Variants in ZNF814 observed in about 807,000 individuals in gnomAD.
The protein encoded by ZNF814 is zinc finger protein 814.
A neutral mutation model predicts 7.5 loss-of-function variants in ZNF814; 5 were observed. The ratio of observed to expected loss-of-function variants is 0.67; its 90% CI spans 0.35 to 1.40. The LOEUF (loss-of-function observed/expected upper bound fraction) is 1.40, where lower values mean the gene tolerates loss of function less well. Among genes scored for constraint, ZNF814 ranks in the 40% most tolerant of loss-of-function variants. The pLI is 0.04. For missense variants in ZNF814, 962 were observed against 1,018.0 expected (o/e 0.94, Z 0.75); for synonymous variants, 315 against 340.7 (o/e 0.92, Z 0.83).
At chr19:57,900,016 A>G in the ZNF814 span, among the ~76,000 whole-genome samples, 1 of 152,212 alleles carries the variant, frequency 6.6e-6, no homozygotes, top group Non-Finnish European at 1.5e-5. Flanking sequence ...TCATTATCCT[A>G]AATCTAAGAT....
At chr19:57,884,449 C>A (rs1233706946) in intron 1 of ZNF814, among the ~76,000 whole-genome samples, 4 of 152,074 alleles carry the variant, frequency 2.6e-5, no homozygotes, top group Non-Finnish European at 5.9e-5. Flanking sequence ...CCCATCTCTA[C>A]AAAAAAGTTT....
chr19:57,878,705 C>T (rs1332097617), intron 1 of ZNF814, among the ~76,000 whole-genome samples: 1 of 152,168 alleles, frequency 6.6e-6, no homozygotes, highest in East Asian at 1.9e-4. Flanking sequence ...ATGATCCACC[C>T]GCCTCAGCCT....
Position 57,872,738 on chromosome 19 carries a change from T to G in ZNF814, c.*84A>C. On this transcript the variant is annotated 3_prime_UTR_variant, in exon 3 of 3. Coordinates refer to ENST00000435989, the MANE Select transcript of ZNF814 (RefSeq NM_001144989.2). ...AGATGACTTCCCACAATCACTGCAT[T>G]CATATGGCCTTTCTCCAGTGTGAAC... The G allele has an allele frequency of 6.2e-7, 1 of 1,606,794 alleles. No individual in the cohort carries two copies. Among genetic ancestry groups the G allele is most frequent in the Non-Finnish European group, 8.5e-7 (1 of 1,176,114 alleles).
chr19:57,887,804 C>G (rs1456099469), intron 1 of ZNF814, among the ~76,000 whole-genome samples: 2 of 152,198 alleles, frequency 1.3e-5, no homozygotes, highest in African/African-American at 4.8e-5. Flanking sequence ...CAAAAGATAA[C>G]ACCATAAAGC....
Position 57,874,778 on chromosome 19 carries a change from C to G in ZNF814, c.612G>C (p.Val204=). Residue 204 remains valine, a synonymous_variant, in exon 3 of 3, where the codon GTG becomes GTC. Transcript: ENST00000435989. Reference sequence around the variant, plus strand: ...GAGCTCCCCCACACTGAATGGGAGACACACACTCAGTTTTGCTGTTTGACT... The same window carrying G: ...GAGCTCCCCCACACTGAATGGGAGAGACACACTCAGTTTTGCTGTTTGACT... The part of the protein sequence containing the change: ...GEKSNSKTEC[V]SPIQCGGAHY... The G allele has an allele frequency of 6.2e-7, 1 of 1,614,020 alleles. No homozygotes were observed. The highest frequency in any genetic ancestry group is 8.5e-7 in the Non-Finnish European group (1 of 1,179,952).
At chr19:57,895,150 A>G in the ZNF814 span, among the ~76,000 whole-genome samples, 29 of 152,278 alleles carry the variant, frequency 1.9e-4, no homozygotes, top group Admixed American at 1.4e-3. Context: ...CTTAGCCAAG[A>G]GGGACTTTAC....
the ZNF814 span, among the ~76,000 whole-genome samples, chr19:57,904,442 G>C: frequency 2.0e-5 from 3 of 152,142 alleles, no homozygotes; most frequent in African/African-American, 4.8e-5. Context: ...CCAGTGACCA[G>C]GTGTTGGGTC....
chr19:57,874,778 C>A lies in ZNF814; in HGVS notation c.612G>T (p.Val204=). The A allele has an allele frequency of 8.1e-6, 13 of 1,614,020 alleles. No individual in the cohort carries two copies. The highest frequency in any genetic ancestry group is 1.0e-5 in the Non-Finnish European group (12 of 1,179,952). ...GAGCTCCCCCACACTGAATGGGAGACACACACTCAGTTTTGCTGTTTGACT... is the reference window on the plus strand; with the variant it reads ...GAGCTCCCCCACACTGAATGGGAGAAACACACTCAGTTTTGCTGTTTGACT... ...GEKSNSKTEC[V]SPIQCGGAHY... The change falls in exon 3 of 3, where the codon GTG becomes GTT. Residue 204 remains valine, a synonymous_variant. Coordinates refer to ENST00000435989, the MANE Select transcript of ZNF814 (RefSeq NM_001144989.2).
Position 57,874,674 on chromosome 19 carries a change from T to C in ZNF814, c.716A>G (p.Glu239Gly), listed in dbSNP as rs1376619382. Residue 239 changes from glutamate (E) to glycine (G), a missense_variant, in exon 3 of 3, where the codon GAA (glutamate) becomes GGA (glycine). Glu to Gly is a moderately conservative substitution (Grantham distance 98, BLOSUM62 -2). This residue lies in a region of ZNF814 where 126 missense variants were observed against 123.5 expected (regional missense o/e 1.02). Coordinates refer to ENST00000435989, the MANE Select transcript of ZNF814 (RefSeq NM_001144989.2). ...ACATTCACAGCACACATAACACTCT[T>C]CTCTAGTGAGCAGTCTCTGGTGCTG... is the stretch of plus-strand genomic sequence containing the variant. ...LSQHQRLLTREECYVCCECGK... is the reference protein window; with the variant it reads ...LSQHQRLLTRGECYVCCECGK... The C allele has an allele frequency of 2.4e-5, 37 of 1,561,802 alleles. No individual in the cohort carries two copies. Among genetic ancestry groups the C allele is most frequent in the Non-Finnish European group, 3.1e-5 (36 of 1,151,984 alleles).
At position 57,872,976 on chromosome 19, in the gene ZNF814, C is replaced by T; in HGVS notation, c.2414G>A (p.Cys805Tyr). 6.2e-7 allele frequency: 1 copy of T among 1,614,000 alleles called. No individual in the cohort carries two copies. Among genetic ancestry groups the T allele is most frequent in the Middle Eastern group, 1.7e-4 (1 of 6,060 alleles). Residue 805 changes from cysteine to tyrosine, a missense_variant, in exon 3 of 3, where the codon TGT becomes TAT. Cys to Tyr is a radical substitution (Grantham distance 194). Around this residue, in one of 7 missense-constraint regions of ZNF814, gnomAD observed 665 missense variants for 551.4 expected, o/e 1.21. Coordinates refer to ENST00000435989, the MANE Select transcript of ZNF814 (RefSeq NM_001144989.2). ...TGEKPYECSE[C>Y]GKSFAESSSL... ...GGAGCTTTCAGCAAAAGATTTTCCACATTCACTGCACTCATAAGGCTTTTC... is the reference window on the plus strand; with the variant it reads ...GGAGCTTTCAGCAAAAGATTTTCCATATTCACTGCACTCATAAGGCTTTTC...
At chr19:57,877,994 G>A (rs188890683) in intron 1 of ZNF814, among the ~76,000 whole-genome samples, 181 of 151,464 alleles carry the variant, frequency 1.2e-3, no homozygotes, top group African/African-American at 3.8e-3. Flanking sequence ...GTGCAACTTC[G>A]GCTCTACTAA....
At position 57,877,021 on chromosome 19, in the gene ZNF814, C is replaced by T. The variant is rs1320086965; in HGVS notation, c.58G>A (p.Val20Met). The T allele has an allele frequency of 6.2e-7, 1 of 1,614,122 alleles. No individual in the cohort carries two copies. The highest frequency in any genetic ancestry group is 1.3e-5 in the African/African-American group (1 of 75,034). Residue 20 changes from valine (V) to methionine (M), a missense_variant, in exon 2 of 3, where the codon GTG becomes ATG. Val to Met is a conservative substitution (Grantham distance 21). Transcript: ENST00000435989. ...SAQGTVTFED[V>M]AVNFTWEEWN... is the part of the protein sequence containing the mutation. ...TCCTCCCAGGTAAAGTTCACAGCCA[C>T]ATCTTCAAAAGTCACTGTGCCCTGT... is the stretch of plus-strand genomic sequence containing the variant.
chr19:57,874,449 T>C lies in ZNF814; in HGVS notation c.941A>G (p.His314Arg), dbSNP rs1227510833. 1 of 1,366,382 alleles carries C rather than the reference T, an allele frequency of 7.3e-7. No individual in the cohort carries two copies. The highest frequency in any genetic ancestry group is 1.3e-5 in the South Asian group (1 of 76,982). 84.6% of individuals were successfully genotyped at this position (1,366,382 alleles called of 1,614,324 possible). A position where few individuals can be genotyped will look rare whatever the true frequency, so the allele number is the denominator to read the frequency against. ...SFSKYVSFSN[H>R]QRVHTGKRPY... is the part of the protein sequence containing the mutation. ...TCTTTTCCCAGTGTGAACTCTCTGA[T>C]GATTACTGAAGCTAACATATTTGCT... The change falls in exon 3 of 3, where the codon CAT becomes CGT. Residue 314 changes from histidine (H) to arginine (R), a missense_variant. By Grantham distance (29) the His-to-Arg change is conservative. Coordinates refer to ENST00000435989, the MANE Select transcript of ZNF814 (RefSeq NM_001144989.2).
chr19:57,877,106 C>A, intron 1 of ZNF814, 64 bp from the exon 2 acceptor site: 1 of 1,594,666 alleles, frequency 6.3e-7, no homozygotes, highest in Non-Finnish European at 8.6e-7. Context: ...CAATCCATCT[C>A]TCCCACACAT....
chr19:57,893,454 A>G (rs1035399447), upstream of ZNF814, among the ~76,000 whole-genome samples: 1 of 151,552 alleles, frequency 6.6e-6, no homozygotes, highest in Non-Finnish European at 1.5e-5. Flanking sequence ...AATTACAGGC[A>G]TGAGCCACTG....
At chr19:57,895,930 G>T in the ZNF814 span, among the ~76,000 whole-genome samples, 1 of 152,190 alleles carries the variant, frequency 6.6e-6, no homozygotes, top group African/African-American at 2.4e-5. Flanking sequence ...TCCATAGACA[G>T]AGCAGGCTCT....
chr19:57,883,141 A>C (rs1288964439), intron 1 of ZNF814, among the ~76,000 whole-genome samples: 1 of 143,816 alleles, frequency 7.0e-6, no homozygotes, highest in Non-Finnish European at 1.5e-5. Context: ...GGCAGATCAC[A>C]AATTCAGGAG....
Position 57,888,765 on chromosome 19 carries a change from A to T in ZNF814, c.36+2T>A. 4.5e-6 allele frequency: 7 copies of T among 1,553,374 alleles called. No individual in the cohort carries two copies. Among genetic ancestry groups the T allele is most frequent in the Non-Finnish European group, 6.1e-6 (7 of 1,147,992 alleles). On this transcript the variant is annotated splice_donor_variant, in intron 1 of 2. Transcript: ENST00000435989. LOFTEE classifies it high-confidence loss of function. Reference sequence around the variant, plus strand: ...TGAGGACACAGAAGGCCCCACAATTACCTGAGCGGAGAGCCTCAGCGTAGC... The same window carrying T: ...TGAGGACACAGAAGGCCCCACAATTTCCTGAGCGGAGAGCCTCAGCGTAGC...
intron 1 of ZNF814, among the ~76,000 whole-genome samples, chr19:57,877,339 A>C (rs7245531): frequency 2.0e-5 from 3 of 151,930 alleles, no homozygotes; most frequent in Admixed American, 2.0e-4. Flanking sequence ...CTCTCTGAAC[A>C]CACCTCATTC....
Sources: allele counts gnomAD v4.1 joint callset (sites outside exome capture counted in the v4.1 genomes callset), GRCh38; gene constraint gnomAD v4.1.1; regional missense constraint gnomAD v4.1.1; transcripts MANE v1.5; gene names NCBI Gene and HGNC (gene_info 2026-07-23, HGNC 2026-07-21).